The following PPARGC1B variants were observed in gnomAD, a reference collection of about 807,000 sequenced individuals.
PPARGC1B encodes the protein PPARG coactivator 1 beta.
PPARGC1B carries 34 observed loss-of-function variants against 101.6 expected under a neutral mutation model. The ratio of observed to expected loss-of-function variants is 0.33; its 90% CI spans 0.25 to 0.45. The LOEUF (loss-of-function observed/expected upper bound fraction) is 0.45. PPARGC1B is among the 20% of genes least tolerant of loss of function. The pLI, the probability that PPARGC1B is intolerant of heterozygous loss-of-function variation, is 1.00. For missense variants in PPARGC1B, 1,234 were observed against 1,317.6 expected (o/e 0.94, Z 0.98); for synonymous variants, 548 against 539.3 (o/e 1.02, Z -0.22).
Position 149,840,047 on chromosome 5 carries a change from G to T in PPARGC1B, c.2625G>T (p.Glu875Asp). 3.1e-6 allele frequency: 5 copies of T among 1,614,156 alleles called. No individual in the cohort carries two copies. The highest frequency in any genetic ancestry group is 4.2e-6 in the Non-Finnish European group (5 of 1,180,030). The change falls in exon 9 of 12, where the codon GAG (glutamate) becomes GAT (aspartate). Residue 875 changes from glutamate to aspartate, a missense_variant. Glu to Asp is a conservative substitution (Grantham distance 45). This residue lies in a region of PPARGC1B where 497 missense variants were observed against 529.5 expected (regional missense o/e 0.94). Coordinates refer to ENST00000309241, the MANE Select transcript of PPARGC1B (RefSeq NM_133263.4). ...SPATRRNFRC[E>D]SRGPCSDRTP... ...TTTGCTTGTTCACTGACAGATGTGA[G>T]AGCAGAGGGCCGTGTTCAGACAGAA...
intron 1 of PPARGC1B, among the ~76,000 whole-genome samples, chr5:149,806,829 A>C (rs897163334): frequency 6.7e-6 from 1 of 150,308 alleles, no homozygotes; most frequent in African/African-American, 2.5e-5. Flanking sequence ...CTGCTCTCGA[A>C]CTCCTGTCCT....
chr5:149,820,330 C>A, intron 1 of PPARGC1B, 103 bp from the exon 2 acceptor site: 1 of 1,172,340 alleles, frequency 8.5e-7, no homozygotes, highest in Admixed American at 2.1e-5. Flanking sequence ...AAAATCGGGC[C>A]TTGGCCACGG....
At chr5:149,766,307 C>T (rs895529673) in intron 1 of PPARGC1B, among the ~76,000 whole-genome samples, 8 of 152,174 alleles carry the variant, frequency 5.3e-5, no homozygotes, top group Non-Finnish European at 1.2e-4. Flanking sequence ...AAACAGAGTA[C>T]CAGACCTAGC....
chr5:149,822,656 C>G (rs148966045), intron 2 of PPARGC1B, among the ~76,000 whole-genome samples: 1 of 152,376 alleles, frequency 6.6e-6, no homozygotes, highest in Non-Finnish European at 1.5e-5. Context: ...ATGCCTCCTC[C>G]TAAGGCAGTT....
At position 149,849,541 on chromosome 5, in the gene PPARGC1B, G is replaced by T. The variant is rs1038297236; in HGVS notation, c.*1983G>T. The T allele has an allele frequency of 1.3e-5, 2 of 152,234 alleles. No homozygotes were observed. Among genetic ancestry groups the T allele is most frequent in the Non-Finnish European group, 2.9e-5 (2 of 68,038 alleles). The allele number at this position is 152,234 out of a possible 1,614,324, so 9.4% of individuals were successfully genotyped here. ...CAATCACACCACTCAGGTTCCCTGAGCCTGGATGTGCTATAAGAATCCTGA... is the reference window on the plus strand; with the variant it reads ...CAATCACACCACTCAGGTTCCCTGATCCTGGATGTGCTATAAGAATCCTGA... On this transcript the variant is annotated 3_prime_UTR_variant, in exon 12 of 12. Transcript: ENST00000309241.
At chr5:149,803,568 A>G (rs909778944) in intron 1 of PPARGC1B, among the ~76,000 whole-genome samples, 3 of 152,136 alleles carry the variant, frequency 2.0e-5, no homozygotes, top group African/African-American at 7.2e-5. Context: ...TCTGTCATTG[A>G]GAGAGTTCCT....
intron 1 of PPARGC1B, among the ~76,000 whole-genome samples, chr5:149,792,675 G>A (rs144280569): frequency 2.8e-4 from 43 of 152,244 alleles, no homozygotes; most frequent in African/African-American, 7.9e-4. Flanking sequence ...TTATTTTGAC[G>A]CTTAAAGAAT....
In PPARGC1B at chr5:149,833,015, G is replaced by A; in HGVS notation, c.942G>A (p.Lys314=). Residue 314 remains lysine (K), a synonymous_variant, in exon 5 of 12, where the codon AAG becomes AAA. Coordinates refer to ENST00000309241, the MANE Select transcript of PPARGC1B (RefSeq NM_133263.4). This position sits in a 1 kb window ranked among gnomAD's most constrained non-coding sequence, Gnocchi z 4.1. ...LPPQTPEPLP[K]ACSNPSQQVR... ...CACAGACCCCTGAGCCACTCCCCAA[G>A]GCCTGCAGCAACCCCTCCCAGCAGG... The A allele has an allele frequency of 1.2e-6, 2 of 1,613,658 alleles. No homozygotes were observed. The highest frequency in any genetic ancestry group is 1.7e-6 in the Non-Finnish European group (2 of 1,179,992).
intron 1 of PPARGC1B, among the ~76,000 whole-genome samples, chr5:149,784,556 G>GTT (rs1561535294): frequency 9.0e-6 from 1 of 111,630 alleles, no homozygotes. Flanking sequence ...AGCCAACTGA[G>GTT]TTTCTTTTTT....
At chr5:149,778,629 A>G (rs10476918) in intron 1 of PPARGC1B, among the ~76,000 whole-genome samples, 6 of 152,122 alleles carry the variant, frequency 3.9e-5, no homozygotes, top group African/African-American at 1.4e-4. Flanking sequence ...AGCTCCCACC[A>G]TAGCCTGGGC....
chr5:149,836,109 G>A (rs1427505895), intron 7 of PPARGC1B, among the ~76,000 whole-genome samples, 154 bp from the exon 8 acceptor site: 1 of 151,800 alleles, frequency 6.6e-6, no homozygotes, highest in African/African-American at 2.4e-5. Flanking sequence ...GGCTGGTCTC[G>A]AGCTCCTGGC....
intron 1 of PPARGC1B, among the ~76,000 whole-genome samples, chr5:149,808,840 G>A (rs1757695007): frequency 6.6e-6 from 1 of 152,188 alleles, no homozygotes; most frequent in Non-Finnish European, 1.5e-5. Context: ...CACAGCCCCT[G>A]CTCACATGGA....
rs1758872515 is a variant in PPARGC1B, at chr5:149,833,106, G to A, written c.1033G>A (p.Glu345Lys). The change falls in exon 5 of 12, where the codon GAA becomes AAA. Residue 345 changes from glutamate (E) to lysine (K), a missense_variant. Glu to Lys is a moderately conservative substitution (Grantham distance 56). This residue lies in a region of PPARGC1B where 734 missense variants were observed against 768.4 expected (regional missense o/e 0.96). Transcript: ENST00000309241. The surrounding 1 kb of genome is among the most constrained non-coding windows in gnomAD (Gnocchi z 4.1). Reference protein sequence around the residue: ...ASWAEFSILRELLAQDVLCDV... With the variant: ...ASWAEFSILRKLLAQDVLCDV... ...CTGGGCTGAGTTCTCCATTCTGAGG[G>A]AACTTCTGGCTCAAGACGTGCTCTG... 1 of 1,613,876 alleles carries A rather than the reference G, an allele frequency of 6.2e-7. No individual in the cohort carries two copies. The highest frequency in any genetic ancestry group is 8.5e-7 in the Non-Finnish European group (1 of 1,180,044).
chr5:149,787,093 C>T (rs1276367322), intron 1 of PPARGC1B, among the ~76,000 whole-genome samples: 1 of 152,266 alleles, frequency 6.6e-6, no homozygotes, highest in African/African-American at 2.4e-5. Context: ...CACACAGGCT[C>T]TTTCCAGCCA....
chr5:149,808,140 C>T (rs1289103164), intron 1 of PPARGC1B, among the ~76,000 whole-genome samples: 1 of 152,168 alleles, frequency 6.6e-6, no homozygotes, highest in African/African-American at 2.4e-5. Flanking sequence ...ACTGACCTCA[C>T]CTTTACTTAG....
chr5:149,805,596 C>T (rs182037863), intron 1 of PPARGC1B, among the ~76,000 whole-genome samples: 158 of 152,216 alleles, frequency 1.0e-3, no homozygotes, highest in African/African-American at 3.5e-3. Context: ...TGCACCACCA[C>T]GCCTGGCTAA....
At chr5:149,839,108 A>G (rs1026163083) in intron 8 of PPARGC1B, among the ~76,000 whole-genome samples, 10 of 152,244 alleles carry the variant, frequency 6.6e-5, no homozygotes, top group African/African-American at 2.4e-4. Context: ...TAGATGAGGA[A>G]GCTGAGGCTC....
At chr5:149,802,624 C>T (rs1002003886) in intron 1 of PPARGC1B, among the ~76,000 whole-genome samples, 8 of 150,940 alleles carry the variant, frequency 5.3e-5, no homozygotes, top group Non-Finnish European at 8.8e-5. Context: ...TTTTGGCATA[C>T]GTGATCACAC....
intron 1 of PPARGC1B, 139 bp from the exon 2 acceptor site, chr5:149,820,294 A>G: frequency 1.3e-6 from 1 of 767,440 alleles, no homozygotes; most frequent in Non-Finnish European, 2.2e-6. Context: ...GGTGAAGCTG[A>G]TCTTTCCATT....
Sources: gnomAD v4.1 joint callset for allele counts (sites outside exome capture counted in the v4.1 genomes callset) on GRCh38, gnomAD v4.1.1 for gene constraint, gnomAD v4.1.1 regional missense constraint, Gnocchi (gnomAD v3.1) non-coding constraint, MANE v1.5 for transcripts, NCBI Gene and HGNC (gene_info 2026-07-23, HGNC 2026-07-21) for gene names.